The following SREBF2 variants were observed in gnomAD, a reference collection of about 807,000 sequenced individuals.
SREBF2 encodes sterol regulatory element binding transcription factor 2, also known as sterol regulatory element-binding protein 2.
SREBF2 carries 55 observed loss-of-function variants against 113.1 expected under a neutral mutation model. The observed-to-expected ratio is 0.49, with a 90% CI of 0.39 to 0.61. SREBF2 has a LOEUF of 0.61. Ranked by LOEUF, SREBF2 falls within the 20% of genes least tolerant of loss-of-function variation. SREBF2 has a pLI of 0.00. For missense variants in SREBF2, 1,349 were observed against 1,487.4 expected (o/e 0.91, Z 1.53); for synonymous variants, 593 against 605.7 (o/e 0.98, Z 0.31).
rs2077506381 is a variant in SREBF2 at position 41,906,087 on chromosome 22, C to A, written c.*427C>A. 2.3e-6 allele frequency: 1 copy of A among 442,748 alleles called. No homozygotes were observed. The highest frequency in any genetic ancestry group is 4.5e-6 in the Non-Finnish European group (1 of 221,676). 27.4% of individuals were successfully genotyped at this position (442,748 alleles called of 1,614,324 possible). On this transcript the variant is annotated 3_prime_UTR_variant, in exon 19 of 19. Coordinates refer to ENST00000361204, the MANE Select transcript of SREBF2 (RefSeq NM_004599.4). ...TGCCCTCAGGCCTGTGCCCAGCATG[C>A]CCTCCCCTTTTTATACGAATGTTTT...
intron 2 of SREBF2, among the ~76,000 whole-genome samples, 194 bp from the exon 3 acceptor site, chr22:41,868,417 C>G (rs1483381632): frequency 6.6e-6 from 1 of 152,198 alleles, no homozygotes; most frequent in Non-Finnish European, 1.5e-5. Flanking sequence ...TACTCGTTCC[C>G]TCAGAAATTG....
At chr22:41,905,192 C>T (rs1316988932) in intron 18 of SREBF2, among the ~76,000 whole-genome samples, 3 of 152,218 alleles carry the variant, frequency 2.0e-5, no homozygotes, top group Non-Finnish European at 1.5e-5. Context: ...GTTGGGGTGG[C>T]GTCCCAGCAC....
chr22:41,871,480 T>G (rs755891824), intron 4 of SREBF2, among the ~76,000 whole-genome samples: 7 of 152,206 alleles, frequency 4.6e-5, no homozygotes, highest in Non-Finnish European at 8.8e-5. Flanking sequence ...GATTAAAATT[T>G]AGAAGCACTA....
Position 41,833,373 on chromosome 22 carries a change from G to GT in SREBF2, c.88+15_88+16insT. The GT allele has an allele frequency of 1.3e-6, 2 of 1,519,336 alleles. No individual in the cohort carries two copies. Among genetic ancestry groups the GT allele is most frequent in the Non-Finnish European group, 1.8e-6 (2 of 1,126,668 alleles). 94.1% of individuals were successfully genotyped at this position (1,519,336 alleles called of 1,614,324 possible). On this transcript the variant is annotated intron_variant, in intron 1 of 18. Coordinates refer to ENST00000361204, the MANE Select transcript of SREBF2 (RefSeq NM_004599.4). The surrounding 1 kb of genome is among the most constrained non-coding windows in gnomAD (Gnocchi z 4.1). ...AGACATCGACGGTGAGTGGTGGGTG[G>GT]GTGGGAGTGCGGGGGCCGCGCGGGG...
chr22:41,844,182 G>A (rs886958759), intron 1 of SREBF2, among the ~76,000 whole-genome samples: 1 of 151,932 alleles, frequency 6.6e-6, no homozygotes, highest in African/African-American at 2.4e-5. Flanking sequence ...TCTGTAAGGT[G>A]GGGGTTGGGT....
rs190094318 is a variant in SREBF2, at chr22:41,874,973, G to A, written c.1090-364G>A. Among the ~76,000 whole-genome samples the A allele has an allele frequency of 6.2e-4, 94 of 151,962 alleles. 2 individuals are homozygous for A. The highest frequency in any genetic ancestry group is 4.2e-4 in the South Asian group (2 of 4,816). On this transcript the variant is annotated intron_variant, in intron 5 of 18. Transcript: ENST00000361204. ...GTGGTTGTTTTTTTCATTTGTTTTC[G>A]TTAAAGTTTGTTATGGTGCTAGGAT...
intron 1 of SREBF2, among the ~76,000 whole-genome samples, chr22:41,850,656 T>A (rs2076919566): frequency 6.6e-6 from 1 of 152,168 alleles, no homozygotes; most frequent in Non-Finnish European, 1.5e-5. Context: ...TAGATATAAA[T>A]TCAAATCTCA....
chr22:41,872,508 A>G (rs936762888), intron 4 of SREBF2, among the ~76,000 whole-genome samples: 1 of 152,184 alleles, frequency 6.6e-6, no homozygotes, highest in Non-Finnish European at 1.5e-5. Flanking sequence ...TTTATTGTGC[A>G]TGACGTACTT....
chr22:41,898,532 C>G (rs951602160), intron 14 of SREBF2, 117 bp from the exon 15 acceptor site: 1 of 1,395,518 alleles, frequency 7.2e-7, no homozygotes, highest in South Asian at 1.2e-5. Flanking sequence ...GCTGCTGGCC[C>G]GTTCCCAGCA....
chr22:41,855,681 G>A (rs1183965820), intron 1 of SREBF2, among the ~76,000 whole-genome samples: 5 of 151,998 alleles, frequency 3.3e-5, no homozygotes, highest in Admixed American at 3.3e-4. Context: ...TAAATAGAAA[G>A]TCAAACAAGG....
chr22:41,877,303 C>T lies in SREBF2; in HGVS notation c.1461C>T (p.Leu487=), dbSNP rs1602317849. Residue 487 remains leucine (L), a synonymous_variant, in exon 8 of 19, where the codon CTC becomes CTT. Coordinates refer to ENST00000361204, the MANE Select transcript of SREBF2 (RefSeq NM_004599.4). ...GCTCACGGATTCTTCTGTGTGTCCT[C>T]ACCTTCCTGTGCCTCTCCTTTAACC... ...VDRSRILLCV[L]TFLCLSFNPL... is the part of the protein sequence containing the mutation. The T allele has an allele frequency of 3.1e-6, 5 of 1,614,222 alleles. No homozygotes were observed. In the African/African-American group the frequency reaches 4.0e-5, roughly 13 times the overall value.
intron 7 of SREBF2, 129 bp downstream of exon 7, chr22:41,875,853 C>T: frequency 2.7e-6 from 3 of 1,102,266 alleles, no homozygotes; most frequent in South Asian, 2.6e-5. Flanking sequence ...AACAGGAATT[C>T]TGTGAAATTA....
At chr22:41,841,830 A>G (rs1179860665) in intron 1 of SREBF2, among the ~76,000 whole-genome samples, 2 of 152,242 alleles carry the variant, frequency 1.3e-5, no homozygotes, top group Admixed American at 6.5e-5. Flanking sequence ...TGTATGTTGA[A>G]GTAGTTGAGG....
chr22:41,898,153 C>T (rs1265219824), intron 14 of SREBF2, among the ~76,000 whole-genome samples: 3 of 152,176 alleles, frequency 2.0e-5, no homozygotes, highest in Non-Finnish European at 2.9e-5. Context: ...TCTTGTTGCC[C>T]AGGCTGGAGT....
At chr22:41,836,234 G>T (rs1275504030) in intron 1 of SREBF2, among the ~76,000 whole-genome samples, 1 of 152,228 alleles carries the variant, frequency 6.6e-6, no homozygotes, top group African/African-American at 2.4e-5. Flanking sequence ...CATGTCTTCA[G>T]TTGATCAACA....
Position 41,894,856 on chromosome 22 carries a change from A to T in SREBF2, c.2414A>T (p.Lys805Met). ...PIAQVHQAFC[K>M]NLLERAIESL... is the part of the protein sequence containing the mutation. ...GCGCAGGTCCACCAGGCCTTCTGCA[A>T]GAACCTGCTGGAGCGAGCTATAGAG... The change falls in exon 13 of 19, where the codon AAG (lysine) becomes ATG (methionine). Residue 805 changes from lysine (K) to methionine (M), a missense_variant. Lys to Met is a moderately conservative substitution (Grantham distance 95, BLOSUM62 -1). This residue lies in a region of SREBF2 where 650 missense variants were observed against 644.1 expected (regional missense o/e 1.01). Coordinates refer to ENST00000361204, the MANE Select transcript of SREBF2 (RefSeq NM_004599.4). 3 of 1,614,174 alleles carry T rather than the reference A, an allele frequency of 1.9e-6. No homozygotes were observed. Among genetic ancestry groups the T allele is most frequent in the Non-Finnish European group, 2.5e-6 (3 of 1,180,034 alleles).
intron 1 of SREBF2, among the ~76,000 whole-genome samples, chr22:41,837,728 C>T (rs1459842813): frequency 2.0e-5 from 3 of 151,342 alleles, no homozygotes; most frequent in Non-Finnish European, 4.4e-5. Context: ...CGTCGTGGCA[C>T]ATGCCTGTAA....
intron 1 of SREBF2, among the ~76,000 whole-genome samples, chr22:41,864,223 C>CATATATATATATAT (rs756489276): frequency 3.5e-4 from 16 of 46,330 alleles, no homozygotes; most frequent in East Asian, 2.0e-3. Flanking sequence ...CTTCTGCAAG[C>CATATATATATATAT]ATATATATAT....
chr22:41,905,864 GC>G lies in SREBF2; in HGVS notation c.*205del, dbSNP rs2077504155. ...ATGCCCATGGTCCAGGGCCTGGTGG[GC>G]GTGAGAGGATAGGTGGCAGGGCAGA... On this transcript the variant is annotated 3_prime_UTR_variant, in exon 19 of 19. Transcript: ENST00000361204. The G allele has an allele frequency of 1.4e-6, 1 of 720,784 alleles. No homozygotes were observed. Among genetic ancestry groups the G allele is most frequent in the Non-Finnish European group, 2.5e-6 (1 of 401,916 alleles). 44.6% of individuals were successfully genotyped at this position (720,784 alleles called of 1,614,324 possible).
Sources: allele counts gnomAD v4.1 joint callset (sites outside exome capture counted in the v4.1 genomes callset), GRCh38; gene constraint gnomAD v4.1.1; regional missense constraint gnomAD v4.1.1; non-coding constraint Gnocchi (gnomAD v3.1); transcripts MANE v1.5; gene names NCBI Gene and HGNC (gene_info 2026-07-23, HGNC 2026-07-21).